The following PEX12 variants were observed in gnomAD, a reference collection of about 807,000 sequenced individuals.
The protein encoded by PEX12 is peroxisomal biogenesis factor 12, also known as peroxisome assembly protein 12.
PEX12 carries 31 observed loss-of-function variants against 32.5 expected under a neutral mutation model. The ratio of observed to expected loss-of-function variants is 0.95; its 90% CI spans 0.72 to 1.29. The LOEUF is 1.29. PEX12 is among the 50% of genes most tolerant of loss of function. The pLI is 0.00. For synonymous variants in PEX12, 148 were observed against 157.2 expected (o/e 0.94, Z 0.44); for missense variants, 359 against 419.0 (o/e 0.86, Z 1.25).
chr17:35,577,659 C>T, intron 1 of PEX12, 68 bp from the exon 2 acceptor site: 1 of 1,477,256 alleles, frequency 6.8e-7, no homozygotes, highest in Non-Finnish European at 9.4e-7. Context: ...TTTACATTCC[C>T]CCTTTTCCTC....
chr17:35,577,647 T>A, intron 1 of PEX12, 56 bp from the exon 2 acceptor site: 1 of 1,513,448 alleles, frequency 6.6e-7, no homozygotes, highest in Non-Finnish European at 9.1e-7. Flanking sequence ...GTTCTACACC[T>A]ATTTACATTC....
Position 35,578,230 on chromosome 17 carries a change from A to C in PEX12, c.-209T>G. 1 of 579,604 alleles carries C rather than the reference A, an allele frequency of 1.7e-6. No individual in the cohort carries two copies. The allele number at this position is 579,604 out of a possible 1,614,324, so 35.9% of individuals were successfully genotyped here. Reference sequence around the variant, plus strand: ...GGGTAGTCTCAAGAAGGTTAAGAACAAAGTTAACTCGGACGTGGGTGGAAG... The same window carrying C: ...GGGTAGTCTCAAGAAGGTTAAGAACCAAGTTAACTCGGACGTGGGTGGAAG... On this transcript the variant is annotated 5_prime_UTR_variant, in exon 1 of 3. Coordinates refer to ENST00000225873, the MANE Select transcript of PEX12 (RefSeq NM_000286.3).
Position 35,577,917 on chromosome 17 carries a change from G to T in PEX12, c.105C>A (p.Pro35=). The T allele has an allele frequency of 6.2e-7, 1 of 1,614,128 alleles. No individual in the cohort carries two copies. Among genetic ancestry groups the T allele is most frequent in the Non-Finnish European group, 8.5e-7 (1 of 1,180,028 alleles). Residue 35 remains proline, a synonymous_variant, in exon 1 of 3, where the codon CCC becomes CCA. Coordinates refer to ENST00000225873, the MANE Select transcript of PEX12 (RefSeq NM_000286.3). ...AQDSLMTAVR[P]ALQHVVKVLA... ...TTACCTTGACCACATGCTGAAGAGC[G>T]GGTCTCACTGCTGTCATTAAACTGT...
In PEX12 at chr17:35,577,335, A is replaced by G. The variant is rs2072791705; in HGVS notation, c.383T>C (p.Val128Ala). 6.2e-7 allele frequency: 1 copy of G among 1,614,050 alleles called. No individual in the cohort carries two copies. The highest frequency in any genetic ancestry group is 1.7e-5 in the Admixed American group (1 of 60,004). The change falls in exon 2 of 3, where the codon GTG becomes GCG. Residue 128 changes from valine (V) to alanine (A), a missense_variant. Physicochemically the swap from Val to Ala is moderately conservative, Grantham distance 64. Coordinates refer to ENST00000225873, the MANE Select transcript of PEX12 (RefSeq NM_000286.3). ...MFLVLLPYLK[V>A]KLEKLVSSLR... The stretch of plus-strand genomic sequence containing the variant: ...GCTAGAAACCAGCTTCTCCAGCTTC[A>G]CTTTCAGATAGGGAAGAAGAACCAG...
rs2072793797 is a variant in PEX12 at position 35,577,515 on chromosome 17, A to T, written c.203T>A (p.Leu68His). Residue 68 changes from leucine to histidine, a missense_variant, in exon 2 of 3, where the codon CTT (leucine) becomes CAT (histidine). By Grantham distance (99) the Leu-to-His change is moderately conservative. Transcript: ENST00000225873. Reference sequence around the variant, plus strand: ...AGACAGATAATGTTGCTGGAGCAGAAGATCTAGCAGAGTAAAGATTTCATC... The same window carrying T: ...AGACAGATAATGTTGCTGGAGCAGATGATCTAGCAGAGTAAAGATTTCATC... Reference protein sequence around the residue: ...WFDEIFTLLDLLLQQHYLSRT... With the variant: ...WFDEIFTLLDHLLQQHYLSRT... 1.2e-6 allele frequency: 2 copies of T among 1,613,834 alleles called. No homozygotes were observed. The highest frequency in any genetic ancestry group is 1.7e-6 in the Non-Finnish European group (2 of 1,179,924).
rs1488079261 is a variant in PEX12, at chr17:35,578,518, G to A, written c.-497C>T. The A allele has an allele frequency of 8.4e-6, 2 of 237,462 alleles. No homozygotes were observed. The highest frequency in any genetic ancestry group is 4.5e-5 in the African/African-American group (2 of 44,518). 14.7% of individuals were successfully genotyped at this position (237,462 alleles called of 1,614,324 possible). ...CCGTCCTTGCTCGCTGACCCCAGGC[G>A]AGGCGCAAACAACCCACGACGCCAC... On this transcript the variant is annotated 5_prime_UTR_variant, in exon 1 of 3. Coordinates refer to ENST00000225873, the MANE Select transcript of PEX12 (RefSeq NM_000286.3).
At chr17:35,576,973 A>G (rs1454122304) in intron 2 of PEX12, 65 bp downstream of exon 2, 1 of 1,459,654 alleles carries the variant, frequency 6.9e-7, no homozygotes, top group Non-Finnish European at 9.5e-7. Context: ...GGTGAATTTT[A>G]CAAAACTGGG....
At position 35,576,041 on chromosome 17, in the gene PEX12, T is replaced by G; in HGVS notation, c.821A>C (p.Lys274Thr). The change falls in exon 3 of 3, where the codon AAG becomes ACG. Residue 274 changes from lysine to threonine, a missense_variant. Transcript: ENST00000225873. ...TGGAGTAGGCAGGGCAGTCAATGACTTGATGGTTTCTTGATTTTCAGATGA... is the reference window on the plus strand; with the variant it reads ...TGGAGTAGGCAGGGCAGTCAATGACGTGATGGTTTCTTGATTTTCAGATGA... ...WYSSENQETI[K>T]SLTALPTPPP... is the part of the protein sequence containing the mutation. 1 of 1,614,138 alleles carries G rather than the reference T, an allele frequency of 6.2e-7. No individual in the cohort carries two copies. The highest frequency in any genetic ancestry group is 1.7e-5 in the Admixed American group (1 of 60,016).
rs756812775 is a variant in PEX12, at chr17:35,577,967, A to G, written c.55T>C (p.Ser19Pro). Reference protein sequence around the residue: ...TAASVADDQPSIFEVVAQDSL... With the variant: ...TAASVADDQPPIFEVVAQDSL... ...TCCTGTGCTACCACCTCAAAGATGGATGGCTGGTCATCGGCCACAGAAGCA... is the reference window on the plus strand; with the variant it reads ...TCCTGTGCTACCACCTCAAAGATGGGTGGCTGGTCATCGGCCACAGAAGCA... The change falls in exon 1 of 3, where the codon TCC (serine) becomes CCC (proline). Residue 19 changes from serine to proline, a missense_variant. Physicochemically the swap from Ser to Pro is moderately conservative, Grantham distance 74. Transcript: ENST00000225873. 11 of 1,614,044 alleles carry G rather than the reference A, an allele frequency of 6.8e-6. No individual in the cohort carries two copies. The highest frequency in any genetic ancestry group is 6.7e-5 in the East Asian group (3 of 44,888).
chr17:35,575,730 T>C lies in PEX12; in HGVS notation c.*52A>G. On this transcript the variant is annotated 3_prime_UTR_variant, in exon 3 of 3. Transcript: ENST00000225873. ...CTCAATACCATGCTGAAACCAGCTC[T>C]GTGACATTACAGCGCAATACTTTTG... is the stretch of plus-strand genomic sequence containing the variant. 1 of 1,565,892 alleles carries C rather than the reference T, an allele frequency of 6.4e-7. No homozygotes were observed. Among genetic ancestry groups the C allele is most frequent in the South Asian group, 1.1e-5 (1 of 89,702 alleles).
Position 35,575,972 on chromosome 17 carries a change from A to T in PEX12, c.890T>A (p.Leu297Ter), listed in dbSNP as rs768427035. The T allele has an allele frequency of 6.2e-7, 1 of 1,614,156 alleles. No homozygotes were observed. Among genetic ancestry groups the T allele is most frequent in the Non-Finnish European group, 8.5e-7 (1 of 1,180,012 alleles). Residue 297 changes from leucine (L) to a stop codon, truncating the protein, a stop_gained, in exon 3 of 3, where the codon TTA becomes TAA. Coordinates refer to ENST00000225873, the MANE Select transcript of PEX12 (RefSeq NM_000286.3). LOFTEE classifies it high-confidence loss of function. ...HLDYNSDSPLLPKMKTVCPLC... is the reference protein window; with the variant it reads ...HLDYNSDSPL The stretch of plus-strand genomic sequence containing the variant: ...TGGGCACACAGTCTTCATTTTGGGT[A>T]AGAGGGGAGAATCAGAGTTATAGTC...
In PEX12 at chr17:35,576,091, G is replaced by A; in HGVS notation, c.771C>T (p.Phe257=). The A allele has an allele frequency of 6.2e-7, 1 of 1,614,134 alleles. No homozygotes were observed. Among genetic ancestry groups the A allele is most frequent in the Non-Finnish European group, 8.5e-7 (1 of 1,179,998 alleles). ...LSTGLSVGVF[F]LQFLDWWYSS... ...AGTACCACCAGTCAAGGAACTGCAA[G>A]AAGAATACACCCACAGAAAGGCCAG... Residue 257 remains phenylalanine (F), a synonymous_variant, in exon 3 of 3, where the codon TTC becomes TTT. Coordinates refer to ENST00000225873, the MANE Select transcript of PEX12 (RefSeq NM_000286.3).
At position 35,577,310 on chromosome 17, in the gene PEX12, G is replaced by A. The variant is rs1198655195; in HGVS notation, c.408C>T (p.Ser136=). 6 of 1,614,160 alleles carry A rather than the reference G, an allele frequency of 3.7e-6. No homozygotes were observed. The highest frequency in any genetic ancestry group is 1.3e-5 in the African/African-American group (1 of 75,044). The change falls in exon 2 of 3, where the codon AGC becomes AGT. Residue 136 remains serine, a synonymous_variant. Coordinates refer to ENST00000225873, the MANE Select transcript of PEX12 (RefSeq NM_000286.3). Reference sequence around the variant, plus strand: ...TAGAATATTCATCCTCTTCTCTCAGGCTAGAAACCAGCTTCTCCAGCTTCA... The same window carrying A: ...TAGAATATTCATCCTCTTCTCTCAGACTAGAAACCAGCTTCTCCAGCTTCA... ...LKVKLEKLVS[S]LREEDEYSIH...
Position 35,575,307 on chromosome 17 carries a change from C to T in PEX12, c.*475G>A, listed in dbSNP as rs2072778230. On this transcript the variant is annotated 3_prime_UTR_variant, in exon 3 of 3. Coordinates refer to ENST00000225873, the MANE Select transcript of PEX12 (RefSeq NM_000286.3). ...CTAAGCATTTCTATCAAGAGCAAGT[C>T]TGCATTTCTTATCGTTTGCAAACTG... The T allele has an allele frequency of 5.8e-6, 1 of 171,276 alleles. No individual in the cohort carries two copies. Among genetic ancestry groups the T allele is most frequent in the Admixed American group, 5.5e-5 (1 of 18,172 alleles). 10.6% of individuals were successfully genotyped at this position (171,276 alleles called of 1,614,324 possible).
chr17:35,577,748 TA>T (rs2072795564), intron 1 of PEX12, 147 bp downstream of exon 1: 2 of 1,300,266 alleles, frequency 1.5e-6, no homozygotes, highest in African/African-American at 2.9e-5. Context: ...TCTCTACACA[TA>T]ACAGAGACTC....
In PEX12 at chr17:35,578,387, G is replaced by C. The variant is rs1427279325; in HGVS notation, c.-366C>G. The C allele has an allele frequency of 5.8e-6, 2 of 347,346 alleles. No individual in the cohort carries two copies. The highest frequency in any genetic ancestry group is 5.7e-6 in the Non-Finnish European group (1 of 176,862). The allele number at this position is 347,346 out of a possible 1,614,324, so 21.5% of individuals were successfully genotyped here. Reference sequence around the variant, plus strand: ...CAGAAACGCCCCCTCCTCCCCAATCGTGAGAGCTCAAAAGCCAGCCGACTC... The same window carrying C: ...CAGAAACGCCCCCTCCTCCCCAATCCTGAGAGCTCAAAAGCCAGCCGACTC... On this transcript the variant is annotated 5_prime_UTR_variant, in exon 1 of 3. Coordinates refer to ENST00000225873, the MANE Select transcript of PEX12 (RefSeq NM_000286.3).
Position 35,577,047 on chromosome 17 carries a change from G to C in PEX12, c.671C>G (p.Pro224Arg), listed in dbSNP as rs984673169. ...AATGTTAAGGCCTTACCTCCTGGCTGGTTGCTGCATCATGCTGGCCTTAGC... is the reference window on the plus strand; with the variant it reads ...AATGTTAAGGCCTTACCTCCTGGCTCGTTGCTGCATCATGCTGGCCTTAGC... ...KPAKASMMQQ[P>R]ARSVSEKINS... The change falls in exon 2 of 3, where the codon CCA becomes CGA. Residue 224 changes from proline (P) to arginine (R), a missense_variant. By Grantham distance (103) the Pro-to-Arg change is moderately radical. Transcript: ENST00000225873. 2 of 1,613,794 alleles carry C rather than the reference G, an allele frequency of 1.2e-6. No homozygotes were observed. The highest frequency in any genetic ancestry group is 1.3e-5 in the African/African-American group (1 of 74,916).
chr17:35,578,240 C>A lies in PEX12; in HGVS notation c.-219G>T, dbSNP rs1311822537. On this transcript the variant is annotated 5_prime_UTR_variant, in exon 1 of 3. Coordinates refer to ENST00000225873, the MANE Select transcript of PEX12 (RefSeq NM_000286.3). ...AAGAAGGTTAAGAACAAAGTTAACT[C>A]GGACGTGGGTGGAAGTAGTATGTGG... is the stretch of plus-strand genomic sequence containing the variant. 3.7e-6 allele frequency: 2 copies of A among 541,786 alleles called. No homozygotes were observed. Among genetic ancestry groups the A allele is most frequent in the African/African-American group, 1.9e-5 (1 of 52,698 alleles). The allele number at this position is 541,786 out of a possible 1,614,324, so 33.6% of individuals were successfully genotyped here. A position where few individuals can be genotyped will look rare whatever the true frequency, so the allele number is the denominator to read the frequency against.
chr17:35,576,286 TG>T (rs1445739697), intron 2 of PEX12, 105 bp from the exon 3 acceptor site: 10 of 1,042,798 alleles, frequency 9.6e-6, no homozygotes, highest in Non-Finnish European at 1.3e-5. Context: ...TCAGAATCAC[TG>T]GGGGACTGAA....
Sources: gnomAD v4.1 joint callset for allele counts on GRCh38, gnomAD v4.1.1 for gene constraint, MANE v1.5 for transcripts, NCBI Gene and HGNC (gene_info 2026-07-23, HGNC 2026-07-21) for gene names.